The following CA10 variants were observed in gnomAD, a reference collection of about 807,000 sequenced individuals.
CA10 encodes carbonic anhydrase 10 (inactive).
CA10 carries 14 observed loss-of-function variants against 44.2 expected under a neutral mutation model. The observed-to-expected ratio is 0.32, with a 90% CI of 0.21 to 0.50. The LOEUF (loss-of-function observed/expected upper bound fraction) is 0.50. Among genes scored for constraint, CA10 ranks in the 20% least tolerant of loss-of-function variants. CA10 has a pLI of 0.99. For missense variants in CA10, 350 were observed against 409.7 expected (o/e 0.85, Z 1.26); for synonymous variants, 159 against 141.6 (o/e 1.12, Z -0.87).
intron 2 of CA10, among the ~76,000 whole-genome samples, chr17:51,931,616 A>C (rs1379599509): frequency 6.6e-6 from 1 of 152,152 alleles, no homozygotes; most frequent in Non-Finnish European, 1.5e-5. Flanking sequence ...GACTAAACTG[A>C]GGGAGTGACT....
At chr17:51,642,950 C>A (rs1913154467) in intron 6 of CA10, among the ~76,000 whole-genome samples, 1 of 152,080 alleles carries the variant, frequency 6.6e-6, no homozygotes, top group African/African-American at 2.4e-5. Context: ...GCCACCATAC[C>A]TTTTTAAATT....
intron 6 of CA10, among the ~76,000 whole-genome samples, chr17:51,645,048 G>A (rs11079976): frequency 0.42 from 63,814 of 151,724 alleles, 14,162 homozygotes; most frequent in Non-Finnish European, 0.48. Flanking sequence ...CACCTGCCTC[G>A]GCCTCCCAAA....
At chr17:51,686,098 T>C (rs1428571479) in intron 4 of CA10, among the ~76,000 whole-genome samples, 2 of 151,920 alleles carry the variant, frequency 1.3e-5, no homozygotes, top group Non-Finnish European at 2.9e-5. Context: ...GGGGGGCGTC[T>C]GTTTCCCCCA....
intron 2 of CA10, among the ~76,000 whole-genome samples, chr17:51,938,464 T>C (rs1218408040): frequency 6.6e-6 from 1 of 152,128 alleles, no homozygotes; most frequent in Non-Finnish European, 1.5e-5. Flanking sequence ...GATTAATTGC[T>C]TAATTCCATA....
intron 1 of CA10, among the ~76,000 whole-genome samples, chr17:52,102,434 G>A (rs973680871): frequency 6.6e-6 from 1 of 152,342 alleles, no homozygotes; most frequent in African/African-American, 2.4e-5. Flanking sequence ...GGCCTTGAAA[G>A]TGACCTTAAA....
At chr17:51,935,383 G>T (rs773347587) in intron 2 of CA10, among the ~76,000 whole-genome samples, 6 of 152,134 alleles carry the variant, frequency 3.9e-5, no homozygotes, top group Non-Finnish European at 5.9e-5. Context: ...GAGAGAAAAT[G>T]TAAATAAAGC....
At chr17:51,825,621 T>G (rs1264299549) in intron 3 of CA10, among the ~76,000 whole-genome samples, 1 of 152,214 alleles carries the variant, frequency 6.6e-6, no homozygotes, top group African/African-American at 2.4e-5. Context: ...TTACACAACA[T>G]GTACATCAAC....
chr17:51,717,815 ATATATATGTGTGTG>A (rs1208695586), intron 4 of CA10, among the ~76,000 whole-genome samples: 1 of 20,986 alleles, frequency 4.8e-5, no homozygotes, highest in African/African-American at 1.9e-4. Flanking sequence ...ATATACACGT[ATATATATGTGTGTG>A]TATATATATA....
rs368378621 is a variant in CA10, at chr17:51,893,499, AAG to A, written c.279+37489_279+37490del. The stretch of plus-strand genomic sequence containing the variant: ...GGGATAAAAAGTAGTCAAACTACCA[AAG>A]AGAGTCTGGTTTCTGGTAAAGAATT... On this transcript the variant is annotated intron_variant, in intron 3 of 8. Coordinates refer to ENST00000451037, the MANE Select transcript of CA10 (RefSeq NM_020178.5). Among the ~76,000 whole-genome samples the A allele has an allele frequency of 6.6e-4, 101 of 152,312 alleles. 3 individuals are homozygous for A. The highest frequency in any genetic ancestry group is 2.4e-3 in the African/African-American group (99 of 41,584).
chr17:52,002,081 C>T (rs577935772), intron 2 of CA10, among the ~76,000 whole-genome samples: 3 of 151,936 alleles, frequency 2.0e-5, no homozygotes, highest in South Asian at 4.2e-4. Flanking sequence ...GTAAAGAGCC[C>T]ACACATATTA....
chr17:52,011,020 C>G (rs141105826), intron 2 of CA10, among the ~76,000 whole-genome samples: 5 of 151,574 alleles, frequency 3.3e-5, no homozygotes, highest in Admixed American at 1.3e-4. Flanking sequence ...GGCACAGAGA[C>G]GGGATCCTGT....
At chr17:52,145,270 A>G (rs1598238866) in intron 1 of CA10, among the ~76,000 whole-genome samples, 1 of 152,326 alleles carries the variant, frequency 6.6e-6, no homozygotes, top group African/African-American at 2.4e-5. Flanking sequence ...CATTTCAAAA[A>G]CTGGGGAAGT....
intron 1 of CA10, among the ~76,000 whole-genome samples, chr17:52,088,556 C>G (rs1217896296): frequency 6.6e-6 from 1 of 152,144 alleles, no homozygotes; most frequent in East Asian, 1.9e-4. Flanking sequence ...ACCTCAAGAT[C>G]TACTCACTTT....
At chr17:51,875,039 T>C (rs1360361445) in intron 3 of CA10, among the ~76,000 whole-genome samples, 2 of 151,418 alleles carry the variant, frequency 1.3e-5, no homozygotes, top group Admixed American at 6.6e-5. Context: ...AGTGGTTTGA[T>C]CATGGTTCAC....
intron 4 of CA10, among the ~76,000 whole-genome samples, chr17:51,738,346 A>G (rs1916982335): frequency 6.6e-6 from 1 of 152,140 alleles, no homozygotes; most frequent in Non-Finnish European, 1.5e-5. Context: ...TAATTTAGCA[A>G]TATTATCTGG....
intron 2 of CA10, among the ~76,000 whole-genome samples, chr17:52,042,214 G>A (rs1290468557): frequency 2.0e-5 from 3 of 151,922 alleles, no homozygotes; most frequent in Admixed American, 1.3e-4. Flanking sequence ...TTCCATCAAC[G>A]GTGTATAAGG....
chr17:52,122,521 C>T (rs972888451), intron 1 of CA10, among the ~76,000 whole-genome samples: 1 of 152,114 alleles, frequency 6.6e-6, no homozygotes, highest in African/African-American at 2.4e-5. Context: ...TGGTGGCACC[C>T]TCTTAAATTT....
intron 1 of CA10, among the ~76,000 whole-genome samples, chr17:52,119,608 G>A (rs1161425503): frequency 6.6e-6 from 1 of 152,094 alleles, no homozygotes; most frequent in African/African-American, 2.4e-5. Context: ...AGAAGAAAAA[G>A]TCTTATCTCA....
intron 1 of CA10, among the ~76,000 whole-genome samples, chr17:52,092,533 T>C (rs1271620702): frequency 6.6e-6 from 1 of 152,126 alleles, no homozygotes; most frequent in African/African-American, 2.4e-5. Flanking sequence ...TTCTCCGTGA[T>C]ACAAGGCTAT....
Sources: allele counts gnomAD v4.1 joint callset (sites outside exome capture counted in the v4.1 genomes callset), GRCh38; gene constraint gnomAD v4.1.1; transcripts MANE v1.5; gene names NCBI Gene and HGNC (gene_info 2026-07-23, HGNC 2026-07-21).